The following TIPARP variants were observed in gnomAD, a reference collection of about 807,000 sequenced individuals.
TIPARP encodes TCDD inducible poly(ADP-ribose) polymerase.
In TIPARP, 12 loss-of-function variants were observed where a neutral mutation model predicts 56.5. That is an observed-to-expected ratio of 0.21 (90% CI 0.14 to 0.34). The LOEUF (loss-of-function observed/expected upper bound fraction) is 0.34. Ranked by LOEUF, TIPARP falls within the 10% of genes least tolerant of loss-of-function variation. The pLI is 1.00. For missense variants in TIPARP, 604 were observed against 781.6 expected (o/e 0.77, Z 2.71); for synonymous variants, 296 against 265.7 (o/e 1.11, Z -1.11).
chr3:156,694,150 T>C lies in TIPARP; in HGVS notation c.1048T>C (p.Phe350Leu). The C allele has an allele frequency of 5.0e-6, 8 of 1,612,776 alleles. No individual in the cohort carries two copies. The highest frequency in any genetic ancestry group is 1.7e-5 in the Admixed American group (1 of 59,816). Residue 350 changes from phenylalanine to leucine, a missense_variant, in exon 3 of 6, where the codon TTC (phenylalanine) becomes CTC (leucine). Physicochemically the swap from Phe to Leu is conservative, Grantham distance 22. This residue lies in a region of TIPARP where 252 missense variants were observed against 303.9 expected (regional missense o/e 0.83). Coordinates refer to ENST00000295924, the MANE Select transcript of TIPARP (RefSeq NM_015508.5). Reference sequence around the variant, plus strand: ...TATTTACCACACAGTCTGGAAATTCTTCTGTAGGGACCACTTTGGATGGAG... The same window carrying C: ...TATTTACCACACAGTCTGGAAATTCCTCTGTAGGGACCACTTTGGATGGAG... ...NSIYHTVWKFFCRDHFGWREY... is the reference protein window; with the variant it reads ...NSIYHTVWKFLCRDHFGWREY...
chr3:156,702,896 A>G (rs955735943), intron 4 of TIPARP, among the ~76,000 whole-genome samples: 1 of 152,192 alleles, frequency 6.6e-6, no homozygotes, highest in African/African-American at 2.4e-5. Context: ...AACGAAGCAA[A>G]TGTCAAATAT....
chr3:156,678,624 T>C lies in TIPARP; in HGVS notation c.917+10T>C, dbSNP rs750012546. On this transcript the variant is annotated intron_variant, in intron 2 of 5. Transcript: ENST00000295924. ...TGAGAATGAAGTATGGGTATGTATTTATAACAACTTGTAGAACTGTTGTTA... is the reference window on the plus strand; with the variant it reads ...TGAGAATGAAGTATGGGTATGTATTCATAACAACTTGTAGAACTGTTGTTA... The C allele has an allele frequency of 8.1e-6, 13 of 1,601,934 alleles. No homozygotes were observed. The highest frequency in any genetic ancestry group is 6.8e-5 in the Admixed American group (4 of 58,954).
In TIPARP at chr3:156,691,181, C is replaced by T. The variant is rs763864376; in HGVS notation, c.918-2839C>T. Among the ~76,000 whole-genome samples the T allele has an allele frequency of 2.0e-5, 3 of 152,146 alleles. No homozygotes were observed. The East Asian group carries it at 5.8e-4, about 29-fold the overall frequency. ...CAAAGTGCTTGGAGACCTCTTTTTC[C>T]TTGTTCTTACAGCTCTTTACTTACA... On this transcript the variant is annotated intron_variant, in intron 2 of 5. Coordinates refer to ENST00000295924, the MANE Select transcript of TIPARP (RefSeq NM_015508.5).
Position 156,705,906 on chromosome 3 carries a change from T to C in TIPARP, c.*775T>C, listed in dbSNP as rs772260354. On this transcript the variant is annotated 3_prime_UTR_variant, in exon 6 of 6. Coordinates refer to ENST00000295924, the MANE Select transcript of TIPARP (RefSeq NM_015508.5). Reference sequence around the variant, plus strand: ...TATCATCCATTCCAATTTGAAGGAGTTGGGCAGCTAATTTGGTTAAAGGCA... The same window carrying C: ...TATCATCCATTCCAATTTGAAGGAGCTGGGCAGCTAATTTGGTTAAAGGCA... 1.3e-5 allele frequency: 2 copies of C among 152,574 alleles called. No homozygotes were observed. The highest frequency in any genetic ancestry group is 4.8e-5 in the African/African-American group (2 of 41,420). The allele number at this position is 152,574 out of a possible 1,614,324, so 9.5% of individuals were successfully genotyped here.
chr3:156,682,515 A>C (rs1017379021), intron 2 of TIPARP, among the ~76,000 whole-genome samples: 8 of 152,340 alleles, frequency 5.3e-5, no homozygotes, highest in Admixed American at 2.0e-4. Flanking sequence ...CAGAAACTCT[A>C]TATAAAAGAG....
chr3:156,704,620 A>G (rs968053606), intron 5 of TIPARP, 64 bp from the exon 6 acceptor site: 37 of 1,516,618 alleles, frequency 2.4e-5, no homozygotes, highest in Non-Finnish European at 3.2e-5. Flanking sequence ...TTATGACTAC[A>G]TCATGCCTGT....
intron 2 of TIPARP, among the ~76,000 whole-genome samples, chr3:156,683,023 A>G (rs912271424): frequency 2.0e-5 from 3 of 152,072 alleles, no homozygotes; most frequent in African/African-American, 2.4e-5. Flanking sequence ...ATGGCAATCA[A>G]TAGCAATCAT....
At chr3:156,689,010 A>T (rs9829961) in intron 2 of TIPARP, among the ~76,000 whole-genome samples, 5,841 of 152,262 alleles carry the variant, frequency 0.038, 380 homozygotes, top group African/African-American at 0.13. Context: ...TGTGTTAATT[A>T]GTTTGAGGTC....
At chr3:156,681,259 A>AT (rs1722296889) in intron 2 of TIPARP, 1 of 454,170 alleles carries the variant, frequency 2.2e-6, no homozygotes, top group South Asian at 1.6e-5. Flanking sequence ...AAGCTGGTCT[A>AT]TCTGTGCAGA....
At position 156,694,148 on chromosome 3, in the gene TIPARP, T is replaced by G. The variant is rs1457691071; in HGVS notation, c.1046T>G (p.Phe349Cys). ...VNSIYHTVWK[F>C]FCRDHFGWRE... The stretch of plus-strand genomic sequence containing the variant: ...TCTATTTACCACACAGTCTGGAAAT[T>G]CTTCTGTAGGGACCACTTTGGATGG... Residue 349 changes from phenylalanine to cysteine, a missense_variant, in exon 3 of 6, where the codon TTC becomes TGC. Around this residue, in one of 4 missense-constraint regions of TIPARP, gnomAD observed 252 missense variants for 303.9 expected, o/e 0.83. Coordinates refer to ENST00000295924, the MANE Select transcript of TIPARP (RefSeq NM_015508.5). 5 of 1,613,022 alleles carry G rather than the reference T, an allele frequency of 3.1e-6. No individual in the cohort carries two copies. Among genetic ancestry groups the G allele is most frequent in the Non-Finnish European group, 4.2e-6 (5 of 1,179,510 alleles).
intron 2 of TIPARP, among the ~76,000 whole-genome samples, chr3:156,687,100 C>T (rs1722449568): frequency 6.6e-6 from 1 of 152,134 alleles, no homozygotes; most frequent in East Asian, 1.9e-4. Context: ...ATAAGGCATG[C>T]TACCAATTTA....
intron 4 of TIPARP, among the ~76,000 whole-genome samples, chr3:156,701,380 A>G (rs961536267): frequency 3.3e-5 from 5 of 152,130 alleles, no homozygotes; most frequent in African/African-American, 1.2e-4. Flanking sequence ...ACAGTCTAAA[A>G]CCTCTAGAGG....
At chr3:156,696,138 G>A (rs916947316) in intron 4 of TIPARP, 113 bp downstream of exon 4, 9 of 1,118,754 alleles carry the variant, frequency 8.0e-6, no homozygotes, top group Non-Finnish European at 1.1e-5. Context: ...CTCCTAGAAT[G>A]TGAAATTCCA....
chr3:156,681,459 C>G (rs1405171135), intron 2 of TIPARP, among the ~76,000 whole-genome samples: 2 of 152,238 alleles, frequency 1.3e-5, no homozygotes, highest in African/African-American at 4.8e-5. Context: ...GGGGAAAGTT[C>G]ATAGTTCTGG....
chr3:156,681,240 A>G (rs1389109939), intron 2 of TIPARP: 2 of 456,260 alleles, frequency 4.4e-6, no homozygotes, highest in South Asian at 1.5e-5. Flanking sequence ...CTCTGTGGTC[A>G]GGCCTGTAAA....
intron 2 of TIPARP, among the ~76,000 whole-genome samples, chr3:156,682,625 T>C (rs1271234445): frequency 6.6e-6 from 1 of 152,210 alleles, no homozygotes; most frequent in Non-Finnish European, 1.5e-5. Context: ...GACTGAACTC[T>C]ACTGGAGTAG....
rs1191510420 is a variant in TIPARP at position 156,678,076 on chromosome 3, T to C, written c.379T>C (p.Ser127Pro). The change falls in exon 2 of 6, where the codon TCC (serine) becomes CCC (proline). Residue 127 changes from serine to proline, a missense_variant. Physicochemically the swap from Ser to Pro is moderately conservative, Grantham distance 74. This residue lies in a region of TIPARP where 261 missense variants were observed against 279.2 expected (regional missense o/e 0.93). Transcript: ENST00000295924. ...GGACCAGATACCGGAAGCCCATCCT[T>C]CCACTGAAGCTCCAGAACGAGTGGT... ...VGDQIPEAHP[S>P]TEAPERVVPI... 6.2e-7 allele frequency: 1 copy of C among 1,614,084 alleles called. No homozygotes were observed. Among genetic ancestry groups the C allele is most frequent in the Non-Finnish European group, 8.5e-7 (1 of 1,180,024 alleles).
At chr3:156,676,070 T>G (rs1422993329) in intron 1 of TIPARP, among the ~76,000 whole-genome samples, 1 of 152,232 alleles carries the variant, frequency 6.6e-6, no homozygotes, top group Non-Finnish European at 1.5e-5. Flanking sequence ...TAGGAGTGGT[T>G]AGAGAGTGTG....
In TIPARP at chr3:156,678,947, A is replaced by G. The variant is rs570435272; in HGVS notation, c.917+333A>G. On this transcript the variant is annotated intron_variant, in intron 2 of 5. Coordinates refer to ENST00000295924, the MANE Select transcript of TIPARP (RefSeq NM_015508.5). ...TTTGAAAGAAAGTCTGGCGAATCTT[A>G]CTATAACATAAATAATGAATCTCCT... 3.9e-5 allele frequency among the ~76,000 whole-genome samples: 6 copies of G among 152,362 alleles called. No individual in the cohort carries two copies. In the East Asian group the frequency reaches 1.2e-3, roughly 29 times the overall value.
Sources: gnomAD v4.1 joint callset for allele counts (sites outside exome capture counted in the v4.1 genomes callset) on GRCh38, gnomAD v4.1.1 for gene constraint, gnomAD v4.1.1 regional missense constraint, MANE v1.5 for transcripts, NCBI Gene and HGNC (gene_info 2026-07-23, HGNC 2026-07-21) for gene names.